TENT4B: variants seen among roughly 807,000 people sequenced by gnomAD.
TENT4B encodes terminal nucleotidyltransferase 4B.
Under a neutral mutation model 75.0 loss-of-function variants are expected in TENT4B, and 10 were observed. That is an observed-to-expected ratio of 0.13 (90% CI 0.08 to 0.23). TENT4B has a LOEUF of 0.23. Ranked by LOEUF, TENT4B falls within the 10% of genes least tolerant of loss-of-function variation. The pLI is 1.00. For missense variants in TENT4B, 579 were observed against 893.8 expected (o/e 0.65, Z 4.49); for synonymous variants, 350 against 357.7 (o/e 0.98, Z 0.24).
intron 1 of TENT4B, among the ~76,000 whole-genome samples, chr16:50,203,277 G>A (rs1330862816): frequency 6.6e-6 from 1 of 151,994 alleles, no homozygotes; most frequent in African/African-American, 2.4e-5. Context: ...CTTGGGAGAT[G>A]GTACAAATTA....
At chr16:50,169,257 C>T (rs886787877) in intron 1 of TENT4B, among the ~76,000 whole-genome samples, 1 of 152,058 alleles carries the variant, frequency 6.6e-6, no homozygotes, top group Admixed American at 6.6e-5. Context: ...AGCGTTGTTT[C>T]CTGTGGACTT....
At chr16:50,164,599 G>A (rs993940791) in intron 1 of TENT4B, among the ~76,000 whole-genome samples, 1 of 152,088 alleles carries the variant, frequency 6.6e-6, no homozygotes, top group Non-Finnish European at 1.5e-5. Flanking sequence ...GAGCCACTGC[G>A]CCTGGCCTGT....
intron 1 of TENT4B, among the ~76,000 whole-genome samples, chr16:50,188,248 G>A (rs1385838399): frequency 6.6e-6 from 1 of 152,166 alleles, no homozygotes; most frequent in Non-Finnish European, 1.5e-5. Context: ...GGAGGCTTTG[G>A]CAATGGCTTC....
intron 1 of TENT4B, among the ~76,000 whole-genome samples, chr16:50,192,361 G>A (rs1320765511): frequency 6.6e-6 from 1 of 152,132 alleles, no homozygotes; most frequent in Non-Finnish European, 1.5e-5. Flanking sequence ...AGGATGTTGA[G>A]GAGACAGTTG....
At chr16:50,189,213 T>C (rs1379368118) in intron 1 of TENT4B, among the ~76,000 whole-genome samples, 1 of 152,260 alleles carries the variant, frequency 6.6e-6, no homozygotes, top group African/African-American at 2.4e-5. Flanking sequence ...GTCAAAATTC[T>C]GTCAAGTTGG....
In TENT4B at chr16:50,182,311, C is replaced by T. The variant is rs116566244; in HGVS notation, c.638+28052C>T. Among the ~76,000 whole-genome samples, 301 of 152,166 alleles carry T rather than the reference C, an allele frequency of 2.0e-3. 1 individual carries two copies. The highest frequency in any genetic ancestry group is 6.2e-3 in the African/African-American group (256 of 41,520). ...AGAAAACTTAATTTGATGTGCTCTG[C>T]GTTTTCTTTGGTGCTTCATGTCAGT... On this transcript the variant is annotated intron_variant, in intron 1 of 11. Transcript: ENST00000561678.
At chr16:50,181,206 AATATTT>A (rs1202787762) in intron 1 of TENT4B, among the ~76,000 whole-genome samples, 1 of 152,220 alleles carries the variant, frequency 6.6e-6, no homozygotes, top group Non-Finnish European at 1.5e-5. Flanking sequence ...AGCAAGACAG[AATATTT>A]ATATTGTTGG....
rs2032410378 is a variant in TENT4B at position 50,235,171 on chromosome 16, C to T, written c.*5843C>T. On this transcript the variant is annotated 3_prime_UTR_variant, in exon 12 of 12. Coordinates refer to ENST00000561678, the MANE Select transcript of TENT4B (RefSeq NM_001365324.3). ...AGATTTTTTAAGCTAATGACAGTTT[C>T]TTCAAAGATGTCAATTATTTGCCTT... 1 of 406,836 alleles carries T rather than the reference C, an allele frequency of 2.5e-6. No individual in the cohort carries two copies. Among genetic ancestry groups the T allele is most frequent in the Non-Finnish European group, 3.3e-6 (1 of 301,100 alleles). 25.2% of individuals were successfully genotyped at this position (406,836 alleles called of 1,614,324 possible).
At chr16:50,193,489 C>T (rs747676870) in intron 1 of TENT4B, among the ~76,000 whole-genome samples, 12 of 152,062 alleles carry the variant, frequency 7.9e-5, no homozygotes, top group East Asian at 5.8e-4. Context: ...AGGTGCCCAC[C>T]GCCACGCCCG....
intron 6 of TENT4B, 138 bp downstream of exon 6, chr16:50,222,572 A>T: frequency 1.2e-6 from 1 of 861,392 alleles, no homozygotes; most frequent in South Asian, 1.8e-5. Flanking sequence ...TTTCCCTTTA[A>T]ACTGGGTACA....
chr16:50,177,848 A>G, intron 1 of TENT4B, among the ~76,000 whole-genome samples: 1 of 151,962 alleles, frequency 6.6e-6, no homozygotes, highest in East Asian at 1.9e-4. Flanking sequence ...CTTTTTTCTA[A>G]TGTTTACAGT....
chr16:50,209,684 A>G (rs899826970), intron 1 of TENT4B, among the ~76,000 whole-genome samples: 3 of 152,212 alleles, frequency 2.0e-5, no homozygotes, highest in African/African-American at 7.2e-5. Context: ...TGTGTGCTGT[A>G]CCTGACACAC....
intron 5 of TENT4B, 69 bp downstream of exon 5, chr16:50,217,732 G>T (rs1294328039): frequency 5.2e-6 from 5 of 961,056 alleles, no homozygotes; most frequent in Non-Finnish European, 6.1e-6. Flanking sequence ...TTGTGGTGGT[G>T]TTCTAATATT....
chr16:50,153,557 A>AGGC lies in TENT4B; in HGVS notation c.-49_-47dup, dbSNP rs1226373207. On this transcript the variant is annotated 5_prime_UTR_variant, in exon 1 of 12. Transcript: ENST00000561678. ...GCAGCCGAGGCCGGGCGTGCGCCTG[A>AGGC]GGCGGCGGCGGCGGCGGCCCTGCGG... 1.8e-4 allele frequency: 175 copies of AGGC among 950,108 alleles called. No individual in the cohort carries two copies. In the South Asian group the frequency reaches 4.3e-3, roughly 23 times the overall value. 58.9% of individuals were successfully genotyped at this position (950,108 alleles called of 1,614,324 possible).
Position 50,233,907 on chromosome 16 carries a change from T to G in TENT4B, c.*4579T>G. ...ATAAGAACAGCTAATGATGTGGAAA[T>G]CAGGTGTTCTCTTGTGTATTTCAGT... On this transcript the variant is annotated 3_prime_UTR_variant, in exon 12 of 12. Coordinates refer to ENST00000561678, the MANE Select transcript of TENT4B (RefSeq NM_001365324.3). The G allele has an allele frequency of 1.0e-6, 1 of 985,450 alleles. No individual in the cohort carries two copies. The highest frequency in any genetic ancestry group is 1.7e-5 in the African/African-American group (1 of 57,372). The allele number at this position is 985,450 out of a possible 1,614,324, so 61.0% of individuals were successfully genotyped here.
intron 4 of TENT4B, 75 bp downstream of exon 4, chr16:50,216,270 T>A: frequency 4.5e-6 from 7 of 1,539,666 alleles, no homozygotes; most frequent in Non-Finnish European, 6.2e-6. Flanking sequence ...TAAAGTTTGG[T>A]GAGCACAGTT....
intron 1 of TENT4B, among the ~76,000 whole-genome samples, chr16:50,174,660 T>C (rs2038268852): frequency 6.6e-6 from 1 of 151,930 alleles, no homozygotes; most frequent in Admixed American, 6.6e-5. Context: ...CTGTCAAACA[T>C]TAGAACTTAT....
At position 50,154,224 on chromosome 16, in the gene TENT4B, G is replaced by T. The variant is rs988530047; in HGVS notation, c.603G>T (p.Pro201=). The T allele has an allele frequency of 1.8e-5, 26 of 1,467,340 alleles. No individual in the cohort carries two copies. In the Admixed American group the frequency reaches 6.5e-4, roughly 37 times the overall value. The allele number at this position is 1,467,340 out of a possible 1,614,324, so 90.9% of individuals were successfully genotyped here. A position where few individuals can be genotyped will look rare whatever the true frequency, so the allele number is the denominator to read the frequency against. ...GCGGGGTCGTGTACAGCGGGACCCCGTGGAAACGGAGGAACTACAACCAGG... is the reference window on the plus strand; with the variant it reads ...GCGGGGTCGTGTACAGCGGGACCCCTTGGAAACGGAGGAACTACAACCAGG... ...DGGGVVYSGT[P]WKRRNYNQGV... is the part of the protein sequence containing the mutation. The change falls in exon 1 of 12, where the codon CCG becomes CCT. Residue 201 remains proline (P), a synonymous_variant. Coordinates refer to ENST00000561678, the MANE Select transcript of TENT4B (RefSeq NM_001365324.3).
chr16:50,208,985 CCTCCCAAAGTG>C (rs1250103787), intron 1 of TENT4B, among the ~76,000 whole-genome samples: 2 of 152,368 alleles, frequency 1.3e-5, no homozygotes, highest in East Asian at 3.9e-4. Context: ...CCTGCCTCAG[CCTCCCAAAGTG>C]CTGGGATTAC....
Sources: gnomAD v4.1 joint callset for allele counts (sites outside exome capture counted in the v4.1 genomes callset) on GRCh38, gnomAD v4.1.1 for gene constraint, MANE v1.5 for transcripts, NCBI Gene and HGNC (gene_info 2026-07-23, HGNC 2026-07-21) for gene names.